The following GAB2 variants were observed in gnomAD, a reference collection of about 807,000 sequenced individuals.
GAB2 encodes the protein GRB2-associated-binding protein 2.
A neutral mutation model predicts 65.5 loss-of-function variants in GAB2; 26 were observed. The ratio of observed to expected loss-of-function variants is 0.40; its 90% confidence interval spans 0.29 to 0.55. The LOEUF is 0.55. Among genes scored for constraint, GAB2 ranks in the 20% least tolerant of loss-of-function variants. The probability of loss-of-function intolerance (pLI) is 0.53; values close to 1 mark genes in which losing one functional copy is unlikely to be tolerated. For synonymous variants in GAB2, 321 were observed against 329.6 expected (o/e 0.97, Z 0.28); for missense variants, 884 against 875.8 (o/e 1.01, Z -0.12).
At chr11:78,310,083 T>C (rs943779251) in intron 1 of GAB2, among the ~76,000 whole-genome samples, 1 of 151,966 alleles carries the variant, frequency 6.6e-6, no homozygotes, top group Non-Finnish European at 1.5e-5. Context: ...CCTCAAACCA[T>C]GCATAGGATA....
intron 2 of GAB2, among the ~76,000 whole-genome samples, chr11:78,268,485 C>A (rs1332864133): frequency 1.3e-5 from 2 of 152,122 alleles, no homozygotes; most frequent in East Asian, 3.9e-4. Context: ...TAGAGTTAGA[C>A]TGGGCTTTGG....
chr11:78,299,960 A>G (rs545243257), intron 1 of GAB2, among the ~76,000 whole-genome samples: 1 of 152,284 alleles, frequency 6.6e-6, no homozygotes, highest in African/African-American at 2.4e-5. Context: ...AATCATCATT[A>G]CATAGATATA....
intron 2 of GAB2, among the ~76,000 whole-genome samples, chr11:78,268,867 T>C (rs1865937134): frequency 6.6e-6 from 1 of 152,132 alleles, no homozygotes; most frequent in Non-Finnish European, 1.5e-5. Context: ...AGGTTGGAGT[T>C]TGTTCTAGGA....
At chr11:78,407,699 A>AAG (rs1348128675) in intron 1 of GAB2, among the ~76,000 whole-genome samples, 1 of 120,354 alleles carries the variant, frequency 8.3e-6, no homozygotes, top group Non-Finnish European at 1.8e-5. Flanking sequence ...GAAAGAAAGA[A>AAG]AGAGATGGCA....
chr11:78,321,043 A>G (rs1318290723), intron 1 of GAB2, among the ~76,000 whole-genome samples: 2 of 152,166 alleles, frequency 1.3e-5, no homozygotes, highest in Non-Finnish European at 2.9e-5. Context: ...TTCTAGCTTG[A>G]GCCAACTATG....
At chr11:78,417,395 G>T (rs1365830409) in intron 1 of GAB2, among the ~76,000 whole-genome samples, 2 of 151,984 alleles carry the variant, frequency 1.3e-5, no homozygotes, top group African/African-American at 4.8e-5. Flanking sequence ...ACCGGCTTGG[G>T]AGGCGCCGCA....
In GAB2 at chr11:78,219,317, T is replaced by C. The variant is rs1255937042; in HGVS notation, c.1986A>G (p.Thr662=). 5 of 1,613,902 alleles carry C rather than the reference T, an allele frequency of 3.1e-6. No individual in the cohort carries two copies. Among genetic ancestry groups the C allele is most frequent in the South Asian group, 2.2e-5 (2 of 91,078 alleles). ...AAGGCTCTGAGGACTGCCGCACGTCTGTCCACTCCTGCATGGTGTTCTGCA... is the reference window on the plus strand; with the variant it reads ...AAGGCTCTGAGGACTGCCGCACGTCCGTCCACTCCTGCATGGTGTTCTGCA... ...QALQNTMQEW[T]DVRQSSEPSK... is the part of the protein sequence containing the mutation. The change falls in exon 10 of 10, where the codon ACA becomes ACG. Residue 662 remains threonine (T), a synonymous_variant. Coordinates refer to ENST00000361507, the MANE Select transcript of GAB2 (RefSeq NM_080491.3).
At chr11:78,267,614 T>C (rs10899449) in intron 2 of GAB2, among the ~76,000 whole-genome samples, 30,339 of 151,714 alleles carry the variant, frequency 0.2, 3,277 homozygotes, top group East Asian at 0.4. Context: ...ATCCCAGCAC[T>C]TTGGGAGGTC....
intron 1 of GAB2, among the ~76,000 whole-genome samples, chr11:78,338,607 G>A (rs1192246380): frequency 6.6e-6 from 1 of 152,180 alleles, no homozygotes; most frequent in Non-Finnish European, 1.5e-5. Flanking sequence ...GTAGGTAGGT[G>A]ACAAAAACAG....
intron 3 of GAB2, among the ~76,000 whole-genome samples, chr11:78,244,663 TAAAAAAAAAAAAA>T (rs36056237): frequency 1.3e-5 from 1 of 74,772 alleles, no homozygotes; most frequent in Non-Finnish European, 2.3e-5. Flanking sequence ...ACATTCATAG[TAAAAAAAAAAAAA>T]AAAAAAAAAA....
At position 78,280,701 on chromosome 11, in the gene GAB2, T is replaced by C. The variant is rs763542362; in HGVS notation, c.276A>G (p.Glu92=). ...TCTCAGCCACCAGGTAAAAGGTGCG[T>C]TCACTGGTCTTGATGTCAAACACAA... is the stretch of plus-strand genomic sequence containing the variant. ...DSFVFDIKTS[E]RTFYLVAETE... Residue 92 remains glutamate, a synonymous_variant, in exon 2 of 10, where the codon GAA becomes GAG. Coordinates refer to ENST00000361507, the MANE Select transcript of GAB2 (RefSeq NM_080491.3). The C allele has an allele frequency of 6.2e-7, 1 of 1,614,122 alleles. No individual in the cohort carries two copies. Among genetic ancestry groups the C allele is most frequent in the Admixed American group, 1.7e-5 (1 of 60,020 alleles).
chr11:78,317,261 C>T (rs1431011755), intron 1 of GAB2, among the ~76,000 whole-genome samples: 3 of 152,152 alleles, frequency 2.0e-5, no homozygotes, highest in Non-Finnish European at 4.4e-5. Context: ...CTGAACTATA[C>T]ACTTAAAAGT....
chr11:78,321,376 G>A (rs373873681), intron 1 of GAB2, among the ~76,000 whole-genome samples: 1 of 152,128 alleles, frequency 6.6e-6, no homozygotes, highest in Non-Finnish European at 1.5e-5. Context: ...CTCTATTACC[G>A]ATGGAACTTA....
intron 1 of GAB2, among the ~76,000 whole-genome samples, chr11:78,365,617 T>C (rs902619313): frequency 1.3e-5 from 2 of 152,092 alleles, no homozygotes; most frequent in South Asian, 2.1e-4. Context: ...TTGGGATTGA[T>C]TGTTACTGTG....
At chr11:78,410,644 T>C (rs1360658015) in intron 1 of GAB2, among the ~76,000 whole-genome samples, 2 of 152,242 alleles carry the variant, frequency 1.3e-5, no homozygotes, top group Non-Finnish European at 2.9e-5. Context: ...CACATGTATG[T>C]AACAACTTAG....
chr11:78,236,465 C>T (rs182433194), intron 3 of GAB2, among the ~76,000 whole-genome samples: 218 of 152,228 alleles, frequency 1.4e-3, no homozygotes, highest in Non-Finnish European at 1.6e-3. Context: ...ATTTATTTTT[C>T]TTCCTCCATG....
chr11:78,302,512 TA>T (rs533162103), intron 1 of GAB2, among the ~76,000 whole-genome samples: 68 of 146,364 alleles, frequency 4.6e-4, no homozygotes, highest in African/African-American at 1.6e-3. Flanking sequence ...GAATGGCCAT[TA>T]AAAAAAAAAC....
At chr11:78,329,074 CAAAT>C (rs1029395256) in intron 1 of GAB2, among the ~76,000 whole-genome samples, 44 of 152,166 alleles carry the variant, frequency 2.9e-4, no homozygotes, top group African/African-American at 9.6e-4. Context: ...AATGGATAGA[CAAAT>C]AGATAAGTGA....
intron 2 of GAB2, among the ~76,000 whole-genome samples, chr11:78,253,152 AGGTGTAT>A (rs1277922494): frequency 6.6e-6 from 1 of 151,936 alleles, no homozygotes; most frequent in Non-Finnish European, 1.5e-5. Context: ...CTGCAACTAC[AGGTGTAT>A]GCCATGACGC....
Sources: gnomAD v4.1 joint callset for allele counts (sites outside exome capture counted in the v4.1 genomes callset) on GRCh38, gnomAD v4.1.1 for gene constraint, MANE v1.5 for transcripts, NCBI Gene and HGNC (gene_info 2026-07-23, HGNC 2026-07-21) for gene names.